The following ABTB3 variants were observed in gnomAD, a reference collection of about 807,000 sequenced individuals.
The protein encoded by ABTB3 is ankyrin repeat and BTB domain containing 3.
the ABTB3 span, among the ~76,000 whole-genome samples, chr12:107,538,823 C>G: frequency 2.0e-5 from 3 of 152,310 alleles, no homozygotes; most frequent in Admixed American, 2.0e-4. Flanking sequence ...AGCCCCCACC[C>G]CACAAAGTGG....
At chr12:107,588,947 CA>C in the ABTB3 span, among the ~76,000 whole-genome samples, 2 of 152,198 alleles carry the variant, frequency 1.3e-5, no homozygotes, top group African/African-American at 4.8e-5. Flanking sequence ...GGAAGCAGAG[CA>C]CTGTGGTTAG....
chr12:107,651,749 A>C, the ABTB3 span: 32 of 1,614,054 alleles, frequency 2.0e-5, no homozygotes, highest in South Asian at 3.3e-4. Flanking sequence ...GAAAAGCATC[A>C]ATACCGACAA....
At chr12:107,369,488 TC>T in the ABTB3 span, among the ~76,000 whole-genome samples, 1 of 150,080 alleles carries the variant, frequency 6.7e-6, no homozygotes, top group Non-Finnish European at 1.5e-5. Flanking sequence ...ACCTCTGCCT[TC>T]CACGTTCAAG....
chr12:107,441,981 G>T, the ABTB3 span, among the ~76,000 whole-genome samples: 1 of 151,954 alleles, frequency 6.6e-6, no homozygotes, highest in Admixed American at 6.6e-5. Flanking sequence ...AGTGTCATCT[G>T]GTATCTGGGG....
At chr12:107,375,724 T>C in the ABTB3 span, among the ~76,000 whole-genome samples, 3 of 152,132 alleles carry the variant, frequency 2.0e-5, no homozygotes, top group Non-Finnish European at 4.4e-5. Context: ...CCTTACTACT[T>C]GGTTTCTGTG....
At chr12:107,341,438 G>A in the ABTB3 span, among the ~76,000 whole-genome samples, 4 of 152,252 alleles carry the variant, frequency 2.6e-5, no homozygotes, top group Admixed American at 2.6e-4. Flanking sequence ...AAGACTGAGG[G>A]GGGTAAGAAG....
chr12:107,415,461 C>T, the ABTB3 span, among the ~76,000 whole-genome samples: 3 of 152,022 alleles, frequency 2.0e-5, no homozygotes, highest in Non-Finnish European at 4.4e-5. Context: ...GTAATCCGAG[C>T]ACTTTGGGAG....
chr12:107,539,422 C>G, the ABTB3 span, among the ~76,000 whole-genome samples: 1 of 151,560 alleles, frequency 6.6e-6, no homozygotes, highest in Non-Finnish European at 1.5e-5. Context: ...GCTTAGCTTC[C>G]TTTTTTTTTC....
At chr12:107,376,426 T>C in the ABTB3 span, among the ~76,000 whole-genome samples, 1 of 152,176 alleles carries the variant, frequency 6.6e-6, no homozygotes, top group Non-Finnish European at 1.5e-5. Flanking sequence ...TGTCTCTGGA[T>C]CAGGTTGATT....
the ABTB3 span, among the ~76,000 whole-genome samples, chr12:107,492,101 G>C: frequency 1.3e-5 from 2 of 152,142 alleles, no homozygotes; most frequent in South Asian, 4.1e-4. Flanking sequence ...GGGAGAGGGA[G>C]ATGAAGAAAC....
the ABTB3 span, among the ~76,000 whole-genome samples, chr12:107,357,078 G>T: frequency 7.9e-5 from 12 of 152,230 alleles, no homozygotes; most frequent in Admixed American, 6.5e-5. Context: ...TACAGCTTTG[G>T]GAAGTTGCTT....
the ABTB3 span, among the ~76,000 whole-genome samples, chr12:107,511,093 C>T: frequency 3.4e-4 from 51 of 152,212 alleles, no homozygotes; most frequent in African/African-American, 1.2e-3. Context: ...CCAAGAAACC[C>T]CCAGGAGAGT....
the ABTB3 span, among the ~76,000 whole-genome samples, chr12:107,475,941 C>T: frequency 6.6e-6 from 1 of 152,096 alleles, no homozygotes; most frequent in African/African-American, 2.4e-5. Flanking sequence ...TTTCACATCT[C>T]CTGAGGCTTC....
chr12:107,385,580 C>T, the ABTB3 span, among the ~76,000 whole-genome samples: 2 of 152,284 alleles, frequency 1.3e-5, no homozygotes, highest in East Asian at 3.9e-4. Context: ...TTCCGAGAAG[C>T]CTTCCCGAGG....
chr12:107,608,956 T>TAAAATAA, the ABTB3 span, among the ~76,000 whole-genome samples: 9 of 66,308 alleles, frequency 1.4e-4, no homozygotes, highest in Admixed American at 7.4e-4. Context: ...TAAAATAAAA[T>TAAAATAA]ATAAAATAAA....
the ABTB3 span, among the ~76,000 whole-genome samples, chr12:107,387,239 A>G: frequency 6.6e-6 from 1 of 152,082 alleles, no homozygotes; most frequent in Non-Finnish European, 1.5e-5. Flanking sequence ...CAGCCTCCCA[A>G]ATTGCTGGGA....
At chr12:107,366,669 T>C in the ABTB3 span, among the ~76,000 whole-genome samples, 3 of 152,224 alleles carry the variant, frequency 2.0e-5, no homozygotes, top group African/African-American at 7.2e-5. Context: ...TTGGGAGATT[T>C]AGCAAACATG....
At chr12:107,621,019 GC>G in the ABTB3 span, among the ~76,000 whole-genome samples, 1 of 152,136 alleles carries the variant, frequency 6.6e-6, no homozygotes, top group Admixed American at 6.5e-5. Flanking sequence ...GGGTCCCCCT[GC>G]CGGGCTGGGC....
the ABTB3 span, among the ~76,000 whole-genome samples, chr12:107,569,300 T>C: frequency 6.6e-6 from 1 of 152,220 alleles, no homozygotes; most frequent in Non-Finnish European, 1.5e-5. Context: ...TAATTTTAAG[T>C]TTAAAATGTT....
Sources: gnomAD v4.1 joint callset for allele counts (sites outside exome capture counted in the v4.1 genomes callset) on GRCh38, gnomAD v4.1.1 for gene constraint, MANE v1.5 for transcripts, NCBI Gene and HGNC (gene_info 2026-07-23, HGNC 2026-07-21) for gene names.